Variants in MYO5B observed in about 807,000 individuals in gnomAD.
The protein encoded by MYO5B is myosin VB.
Under a neutral mutation model 229.3 loss-of-function variants are expected in MYO5B, and 143 were observed. The observed-to-expected ratio is 0.62, with a 90% confidence interval of 0.54 to 0.72. The LOEUF is 0.72. Ranked by LOEUF, MYO5B falls within the 30% of genes least tolerant of loss-of-function variation. The pLI, the probability that MYO5B is intolerant of heterozygous loss-of-function variation, is 0.00. For synonymous variants in MYO5B, 918 were observed against 885.2 expected, an observed-to-expected ratio of 1.04 and a Z score of -0.66; for missense variants, 2,321 against 2,331.0, an observed-to-expected ratio of 1.00 and a Z score of 0.09.
Position 49,921,277 on chromosome 18 carries a change from TTA to T in MYO5B, c.2090+8233_2090+8234del, listed in dbSNP as rs1296148809. Among the ~76,000 whole-genome samples, 130 of 149,198 alleles carry T rather than the reference TTA, an allele frequency of 8.7e-4. No individual in the cohort carries two copies. In the South Asian group the frequency reaches 0.016, roughly 18 times the overall value. ...CAGAGTTTTTTTTTTTTTTTTTTTTTTATAATATCAACATTTGTACATTCCCC... is the reference window on the plus strand; with the variant it reads ...CAGAGTTTTTTTTTTTTTTTTTTTTTTAATATCAACATTTGTACATTCCCC... On this transcript the variant is annotated intron_variant, in intron 17 of 39. Coordinates refer to ENST00000285039, the MANE Select transcript of MYO5B (RefSeq NM_001080467.3).
chr18:50,127,438 A>G (rs2032182971), intron 1 of MYO5B, among the ~76,000 whole-genome samples: 1 of 152,204 alleles, frequency 6.6e-6, no homozygotes, highest in Non-Finnish European at 1.5e-5. Flanking sequence ...AGTGCTCTAC[A>G]TTACAGGGAA....
intron 1 of MYO5B, among the ~76,000 whole-genome samples, chr18:50,108,415 G>A (rs2031801172): frequency 6.6e-6 from 1 of 152,114 alleles, no homozygotes; most frequent in African/African-American, 2.4e-5. Flanking sequence ...GCGCTATTGT[G>A]TGCTATTCTA....
chr18:50,086,221 G>A (rs2031326643), intron 1 of MYO5B, among the ~76,000 whole-genome samples: 1 of 151,900 alleles, frequency 6.6e-6, no homozygotes, highest in Admixed American at 6.6e-5. Flanking sequence ...ACTTATTACT[G>A]TTGAGAGTTC....
intron 1 of MYO5B, among the ~76,000 whole-genome samples, chr18:50,071,847 G>A (rs1359310938): frequency 1.3e-5 from 2 of 152,228 alleles, no homozygotes; most frequent in African/African-American, 4.8e-5. Context: ...CCTTAGCACA[G>A]GCTTAAGAGC....
chr18:50,009,713 A>C (rs2026142274), intron 4 of MYO5B, among the ~76,000 whole-genome samples: 1 of 152,216 alleles, frequency 6.6e-6, no homozygotes, highest in Non-Finnish European at 1.5e-5. Flanking sequence ...TCTAACATTC[A>C]AGGGCTTCCT....
chr18:49,951,706 G>A lies in MYO5B; in HGVS notation c.1752+1554C>T, dbSNP rs989191766. ...CCCACCTCTCTTCTCTCCATCCCTC[G>A]TTTCTGCTTCTAATCTGAAAGGACA... On this transcript the variant is annotated intron_variant, in intron 14 of 39. Coordinates refer to ENST00000285039, the MANE Select transcript of MYO5B (RefSeq NM_001080467.3). Among the ~76,000 whole-genome samples the A allele has an allele frequency of 6.6e-5, 10 of 152,194 alleles. No homozygotes were observed. In the South Asian group the frequency reaches 1.0e-3, roughly 16 times the overall value.
chr18:49,937,178 C>T, intron 15 of MYO5B, 67 bp downstream of exon 15: 1 of 1,581,266 alleles, frequency 6.3e-7, no homozygotes, highest in Non-Finnish European at 8.7e-7. Flanking sequence ...CTGCCGCCAT[C>T]CTTCATCTAC....
At chr18:50,164,240 T>C (rs2032811468) in intron 1 of MYO5B, among the ~76,000 whole-genome samples, 1 of 152,236 alleles carries the variant, frequency 6.6e-6, no homozygotes, top group South Asian at 2.1e-4. Flanking sequence ...GATCTTTATG[T>C]AGTAGTGACT....
chr18:49,913,882 C>G (rs1001052158), intron 17 of MYO5B, among the ~76,000 whole-genome samples: 3 of 152,074 alleles, frequency 2.0e-5, no homozygotes, highest in Admixed American at 6.5e-5. Flanking sequence ...CATCTGAACA[C>G]TGAGAGGAGT....
At chr18:50,160,620 C>T (rs2032750813) in intron 1 of MYO5B, among the ~76,000 whole-genome samples, 1 of 152,108 alleles carries the variant, frequency 6.6e-6, no homozygotes, top group African/African-American at 2.4e-5. Flanking sequence ...TGAACACCTC[C>T]AGCAATGAGA....
chr18:50,011,310 C>G (rs112865754), intron 4 of MYO5B, among the ~76,000 whole-genome samples: 105 of 152,264 alleles, frequency 6.9e-4, no homozygotes, highest in African/African-American at 2.5e-3. Context: ...CCACTGCACT[C>G]CAGCCTGGGC....
At chr18:50,157,295 G>A (rs1052486452) in intron 1 of MYO5B, among the ~76,000 whole-genome samples, 2 of 152,108 alleles carry the variant, frequency 1.3e-5, no homozygotes, top group African/African-American at 4.8e-5. Flanking sequence ...TAGTAGAGAT[G>A]GGGTTTCACC....
At chr18:49,928,524 G>T (rs556079549) in intron 17 of MYO5B, among the ~76,000 whole-genome samples, 4 of 152,290 alleles carry the variant, frequency 2.6e-5, no homozygotes, top group African/African-American at 9.6e-5. Flanking sequence ...CACACCTGTA[G>T]TCCCAGCTAC....
At chr18:50,165,200 C>T (rs34953681) in intron 1 of MYO5B, among the ~76,000 whole-genome samples, 82 of 152,216 alleles carry the variant, frequency 5.4e-4, no homozygotes, top group Non-Finnish European at 1.0e-3. Context: ...CTGGGCCAGG[C>T]ACAGTGGCTG....
intron 4 of MYO5B, among the ~76,000 whole-genome samples, chr18:50,005,300 T>G (rs1213855909): frequency 6.6e-6 from 1 of 152,218 alleles, no homozygotes; most frequent in Non-Finnish European, 1.5e-5. Flanking sequence ...CTAAAGGATC[T>G]GCCCTGAGTC....
At chr18:50,153,845 G>A (rs2032638659) in intron 1 of MYO5B, among the ~76,000 whole-genome samples, 1 of 152,156 alleles carries the variant, frequency 6.6e-6, no homozygotes, top group Admixed American at 6.5e-5. Flanking sequence ...GACGACACCA[G>A]TGAGTGAGTG....
At chr18:50,055,537 A>T (rs1039947840) in intron 1 of MYO5B, among the ~76,000 whole-genome samples, 159 bp from the exon 2 acceptor site, 3 of 152,184 alleles carry the variant, frequency 2.0e-5, no homozygotes, top group Non-Finnish European at 4.4e-5. Flanking sequence ...ATCCGATATC[A>T]TGATAACAGG....
chr18:49,957,854 A>G (rs114384359), intron 12 of MYO5B, among the ~76,000 whole-genome samples: 344 of 151,880 alleles, frequency 2.3e-3, no homozygotes, highest in African/African-American at 7.8e-3. Flanking sequence ...TGTACCATAA[A>G]TACCTCTGGA....
chr18:50,083,541 G>A (rs1465690679), intron 1 of MYO5B, among the ~76,000 whole-genome samples: 11 of 152,122 alleles, frequency 7.2e-5, no homozygotes, highest in Admixed American at 7.2e-4. Flanking sequence ...CAAGAACTGA[G>A]GACAAAGACC....
Sources: allele counts gnomAD v4.1 joint callset (sites outside exome capture counted in the v4.1 genomes callset), GRCh38; gene constraint gnomAD v4.1.1; transcripts MANE v1.5; gene names NCBI Gene and HGNC (gene_info 2026-07-23, HGNC 2026-07-21).